GPHN: variants seen among roughly 807,000 people sequenced by gnomAD.
GPHN encodes the protein gephyrin.
Under a neutral mutation model 95.5 loss-of-function variants are expected in GPHN, and 17 were observed. The ratio of observed to expected loss-of-function variants is 0.18; its 90% CI spans 0.12 to 0.27. The LOEUF is 0.27. Among genes scored for constraint, GPHN ranks in the 10% least tolerant of loss-of-function variants. The pLI is 1.00. For missense variants in GPHN, 660 were observed against 978.1 expected (o/e 0.67, Z 4.34); for synonymous variants, 320 against 322.5 (o/e 0.99, Z 0.08).
chr14:67,574,332 G>A, the GPHN span: 1 of 1,602,938 alleles, frequency 6.2e-7, no homozygotes, highest in Non-Finnish European at 8.5e-7. The surrounding 1 kb of genome is among the most constrained non-coding windows in gnomAD (Gnocchi z 4.2). Context: ...CCTGCTGAAG[G>A]TGCAGGCCAC....
chr14:66,707,967 T>C (rs1229575920), intron 2 of GPHN, among the ~76,000 whole-genome samples: 1 of 152,166 alleles, frequency 6.6e-6, no homozygotes, highest in East Asian at 1.9e-4. Flanking sequence ...TCTTGAAATA[T>C]ACATTGCATT....
the GPHN span, among the ~76,000 whole-genome samples, chr14:67,276,450 G>A: frequency 6.6e-6 from 1 of 152,094 alleles, no homozygotes; most frequent in Non-Finnish European, 1.5e-5. Context: ...GTATCCTTAT[G>A]TTTTGAGTGT....
chr14:67,587,455 T>C, the GPHN span: 1 of 587,974 alleles, frequency 1.7e-6, no homozygotes, highest in East Asian at 2.9e-5. Flanking sequence ...AAACCATTTA[T>C]TCCTTTTTTC....
At chr14:67,635,334 C>A in the GPHN span, among the ~76,000 whole-genome samples, 1 of 152,136 alleles carries the variant, frequency 6.6e-6, no homozygotes, top group East Asian at 1.9e-4. Context: ...TTGGTAGTAA[C>A]CAAATGAGTT....
At chr14:66,545,975 G>A (rs1228438613) in intron 1 of GPHN, among the ~76,000 whole-genome samples, 4 of 151,338 alleles carry the variant, frequency 2.6e-5, no homozygotes, top group Non-Finnish European at 4.4e-5. Flanking sequence ...CTTCTCAGAC[G>A]GGGCGGCTTC....
At chr14:67,672,465 A>ATTTTTTTTT in the GPHN span, among the ~76,000 whole-genome samples, 1 of 56,530 alleles carries the variant, frequency 1.8e-5, no homozygotes, top group Non-Finnish European at 4.5e-5. Context: ...TTTTTTTTTG[A>ATTTTTTTTT]TACAGAGTCT....
At chr14:66,735,919 G>T (rs1303177605) in intron 2 of GPHN, among the ~76,000 whole-genome samples, 1 of 152,026 alleles carries the variant, frequency 6.6e-6, no homozygotes, top group African/African-American at 2.4e-5. Context: ...GCAATCTTAA[G>T]ATATATAATG....
intron 1 of GPHN, among the ~76,000 whole-genome samples, chr14:66,655,338 CACCT>C (rs2065246565): frequency 6.6e-6 from 1 of 152,082 alleles, no homozygotes; most frequent in Non-Finnish European, 1.5e-5. Flanking sequence ...TGTAGATGTA[CACCT>C]ACCTATTTCA....
At chr14:67,718,714 C>T in the GPHN span, among the ~76,000 whole-genome samples, 1 of 152,082 alleles carries the variant, frequency 6.6e-6, no homozygotes. Flanking sequence ...TATATCTGTC[C>T]CAGATTGAAA....
chr14:67,468,043 G>C, the GPHN span, among the ~76,000 whole-genome samples: 1 of 152,024 alleles, frequency 6.6e-6, no homozygotes, highest in Admixed American at 6.6e-5. Context: ...GTGCGATCTC[G>C]GCTCACTGCA....
intron 2 of GPHN, among the ~76,000 whole-genome samples, chr14:66,711,017 T>A (rs1188282955): frequency 6.6e-6 from 1 of 152,208 alleles, no homozygotes; most frequent in African/African-American, 2.4e-5. Flanking sequence ...CAAATTTTAT[T>A]GTACAAATTT....
At chr14:67,372,872 A>G in the GPHN span, among the ~76,000 whole-genome samples, 1 of 152,124 alleles carries the variant, frequency 6.6e-6, no homozygotes, top group Non-Finnish European at 1.5e-5. Context: ...TATCTAAACC[A>G]TCAATTTTTA....
chr14:67,033,410 A>C (rs2153631838), intron 10 of GPHN, among the ~76,000 whole-genome samples: 1 of 152,134 alleles, frequency 6.6e-6, no homozygotes, highest in Admixed American at 6.5e-5. Context: ...CTAAAAATAA[A>C]AAAAGTAGCC....
chr14:67,326,501 T>C, the GPHN span, among the ~76,000 whole-genome samples: 2 of 152,178 alleles, frequency 1.3e-5, no homozygotes, highest in Admixed American at 6.5e-5. Context: ...TTACCTACAA[T>C]ACATGCATTT....
intron 12 of GPHN, among the ~76,000 whole-genome samples, chr14:67,092,704 G>A (rs577903126): frequency 6.6e-6 from 1 of 152,170 alleles, no homozygotes; most frequent in Non-Finnish European, 1.5e-5. Flanking sequence ...TGTAAAGAAG[G>A]CAGGAATAAA....
At chr14:67,661,726 G>A in the GPHN span, among the ~76,000 whole-genome samples, 1 of 151,554 alleles carries the variant, frequency 6.6e-6, no homozygotes, top group Non-Finnish European at 1.5e-5. Context: ...GAGATGGGGG[G>A]TCTCCCTATG....
the GPHN span, among the ~76,000 whole-genome samples, chr14:67,567,548 C>T: frequency 1.3e-5 from 2 of 152,100 alleles, no homozygotes; most frequent in Admixed American, 6.6e-5. Flanking sequence ...CCTACACGAG[C>T]ACAGAAACTC....
chr14:67,441,868 C>T, the GPHN span: 6 of 153,020 alleles, frequency 3.9e-5, no homozygotes, highest in African/African-American at 1.4e-4. Flanking sequence ...AAGTGCGGAT[C>T]ATGGGACTTC....
chr14:66,844,237 T>C (rs1421448814), intron 4 of GPHN, among the ~76,000 whole-genome samples: 1 of 152,200 alleles, frequency 6.6e-6, no homozygotes, highest in Non-Finnish European at 1.5e-5. Flanking sequence ...AACTCTTTTC[T>C]TGTATGTTGG....
Sources: allele counts gnomAD v4.1 joint callset (sites outside exome capture counted in the v4.1 genomes callset), GRCh38; gene constraint gnomAD v4.1.1; non-coding constraint Gnocchi (gnomAD v3.1); transcripts MANE v1.5; gene names NCBI Gene and HGNC (gene_info 2026-07-23, HGNC 2026-07-21).